Variants in TUSC3 observed in about 807,000 individuals in gnomAD.
The protein encoded by TUSC3 is dolichyl-diphosphooligosaccharide--protein glycosyltransferase subunit TUSC3.
A neutral mutation model predicts 44.8 loss-of-function variants in TUSC3; 45 were observed. The ratio of observed to expected loss-of-function variants is 1.00; its 90% CI spans 0.79 to 1.29. The LOEUF (loss-of-function observed/expected upper bound fraction) is 1.29, where lower values mean the gene tolerates loss of function less well. Ranked by LOEUF, TUSC3 falls within the 50% of genes most tolerant of loss-of-function variation. The pLI, the probability that TUSC3 is intolerant of heterozygous loss-of-function variation, is 0.00. For missense variants in TUSC3, 519 were observed against 437.9 expected, an observed-to-expected ratio of 1.19 and a Z score of -1.65; for synonymous variants, 212 against 152.9, an observed-to-expected ratio of 1.39 and a Z score of -2.85.
At chr8:15,832,254 A>C in the TUSC3 span, among the ~76,000 whole-genome samples, 7 of 152,182 alleles carry the variant, frequency 4.6e-5, no homozygotes, top group Admixed American at 2.0e-4. Context: ...GAGGGAATTC[A>C]TTCCCACAAG....
At chr8:15,555,276 ATTTTTTTTTTTTTTTTTTTT>A (rs35757466) in intron 1 of TUSC3, among the ~76,000 whole-genome samples, 14 of 44,892 alleles carry the variant, frequency 3.1e-4, no homozygotes, top group South Asian at 1.1e-3. Flanking sequence ...TGCCAGGCTA[ATTTTTTTTTTTTTTTTTTTT>A]TTTTTTTTTT....
intron 1 of TUSC3, among the ~76,000 whole-genome samples, chr8:15,473,319 A>G (rs550069836): frequency 1.3e-5 from 2 of 152,294 alleles, no homozygotes; most frequent in South Asian, 4.1e-4. Context: ...TGCAACAAAA[A>G]AATTTCAATT....
chr8:15,435,452 C>T (rs1392768930), intron 1 of TUSC3, among the ~76,000 whole-genome samples: 1 of 152,102 alleles, frequency 6.6e-6, no homozygotes, highest in East Asian at 1.9e-4. Context: ...GTGAAGTACT[C>T]AAATGTCTAC....
At chr8:15,622,637 A>G (rs1805301276) in intron 1 of TUSC3, among the ~76,000 whole-genome samples, 1 of 152,172 alleles carries the variant, frequency 6.6e-6, no homozygotes, top group African/African-American at 2.4e-5. Context: ...TCTTTTGTGT[A>G]TAGTTGCAGC....
chr8:15,478,862 C>G (rs1281751583), intron 1 of TUSC3, among the ~76,000 whole-genome samples: 1 of 152,154 alleles, frequency 6.6e-6, no homozygotes, highest in East Asian at 1.9e-4. Flanking sequence ...GCCACACTGT[C>G]TTCCACAGTG....
chr8:15,694,042 T>C (rs752666142), intron 6 of TUSC3, among the ~76,000 whole-genome samples: 4 of 152,160 alleles, frequency 2.6e-5, no homozygotes, highest in Non-Finnish European at 5.9e-5. Flanking sequence ...TATAGTTTTA[T>C]TGTATTCCTT....
chr8:15,675,592 C>T (rs997044721), intron 6 of TUSC3, among the ~76,000 whole-genome samples: 2 of 152,040 alleles, frequency 1.3e-5, no homozygotes, highest in African/African-American at 4.8e-5. Context: ...AGTTTTTCAG[C>T]CCCTTCCTCC....
intron 6 of TUSC3, among the ~76,000 whole-genome samples, chr8:15,681,552 C>G (rs1585223918): frequency 1.8e-5 from 1 of 56,028 alleles, no homozygotes; most frequent in Non-Finnish European, 3.9e-5. Context: ...TTATTTGGAT[C>G]TTTTCTCTTT....
intron 2 of TUSC3, among the ~76,000 whole-genome samples, chr8:15,626,374 A>G (rs1197062674): frequency 6.6e-6 from 1 of 152,196 alleles, no homozygotes; most frequent in Non-Finnish European, 1.5e-5. Context: ...AGGGGACCCC[A>G]AGGCGGAACT....
intron 2 of TUSC3, among the ~76,000 whole-genome samples, chr8:15,521,334 A>C (rs1249450086): frequency 1.3e-5 from 2 of 152,100 alleles, no homozygotes; most frequent in South Asian, 2.1e-4. Flanking sequence ...ACCCTTAACT[A>C]ACCTGGTGGG....
In TUSC3 at chr8:15,599,091, C is replaced by G. The variant is rs149926395; in HGVS notation, c.139-23989C>G. Among the ~76,000 whole-genome samples, 982 of 151,948 alleles carry G rather than the reference C, an allele frequency of 6.5e-3. 11 individuals are homozygous for G. Among genetic ancestry groups the G allele is most frequent in the African/African-American group, 0.022 (923 of 41,508 alleles). On this transcript the variant is annotated intron_variant, in intron 1 of 10. Transcript: ENST00000503731. ...AATGAGAATTCCTGCTGCTACACAT[C>G]CTCTCTAGCAGTTGATGTTGTCAGT...
chr8:15,603,861 T>C (rs1804407300), intron 1 of TUSC3, among the ~76,000 whole-genome samples: 1 of 151,552 alleles, frequency 6.6e-6, no homozygotes. Context: ...GTTTTTCCCC[T>C]TTTTCAAGTT....
At chr8:15,469,282 C>T (rs1165289404) in intron 1 of TUSC3, among the ~76,000 whole-genome samples, 5 of 151,994 alleles carry the variant, frequency 3.3e-5, no homozygotes, top group Non-Finnish European at 4.4e-5. Context: ...GACTGTTATC[C>T]AAAATATACA....
intron 5 of TUSC3, among the ~76,000 whole-genome samples, chr8:15,664,919 C>A (rs1001281921): frequency 6.6e-6 from 1 of 150,920 alleles, no homozygotes; most frequent in African/African-American, 2.4e-5. Flanking sequence ...CCACCATTAC[C>A]ATCACCACCA....
chr8:15,480,056 A>G (rs1238201522), intron 1 of TUSC3, among the ~76,000 whole-genome samples: 2 of 152,188 alleles, frequency 1.3e-5, no homozygotes, highest in Admixed American at 1.3e-4. Flanking sequence ...TACAATTGCT[A>G]CAAAGAGAAT....
At chr8:15,622,075 G>C (rs1172164526) in intron 1 of TUSC3, among the ~76,000 whole-genome samples, 1 of 152,070 alleles carries the variant, frequency 6.6e-6, no homozygotes, top group Non-Finnish European at 1.5e-5. Context: ...TCACCTGAGA[G>C]GAGAGGGGAA....
chr8:15,683,177 G>A (rs577177337), intron 6 of TUSC3, among the ~76,000 whole-genome samples: 1 of 152,142 alleles, frequency 6.6e-6, no homozygotes, highest in East Asian at 1.9e-4. Flanking sequence ...TGCATTTCTT[G>A]TATTTGCACT....
At chr8:15,432,903 C>G (rs1042182816) in intron 1 of TUSC3, among the ~76,000 whole-genome samples, 2 of 152,162 alleles carry the variant, frequency 1.3e-5, no homozygotes, top group African/African-American at 4.8e-5. Context: ...AGGTTAGCCT[C>G]TGGCTAAATC....
intron 5 of TUSC3, among the ~76,000 whole-genome samples, chr8:15,662,679 C>T (rs1401638091): frequency 6.6e-6 from 1 of 151,912 alleles, no homozygotes; most frequent in Admixed American, 6.6e-5. Flanking sequence ...TGTGTATCTT[C>T]TATGTGACTG....
Sources: gnomAD v4.1 joint callset for allele counts (sites outside exome capture counted in the v4.1 genomes callset) on GRCh38, gnomAD v4.1.1 for gene constraint, MANE v1.5 for transcripts, NCBI Gene and HGNC (gene_info 2026-07-23, HGNC 2026-07-21) for gene names.